Variants in DYNC2H1 observed in about 807,000 individuals in gnomAD.
The protein encoded by DYNC2H1 is cytoplasmic dynein 2 heavy chain 1.
In DYNC2H1, 410 loss-of-function variants were observed where a neutral mutation model predicts 570.0. That is an observed-to-expected ratio of 0.72 (90% CI 0.66 to 0.78). The LOEUF (loss-of-function observed/expected upper bound fraction) is 0.78, where lower values mean the gene tolerates loss of function less well. Ranked by LOEUF, DYNC2H1 falls within the 30% of genes least tolerant of loss-of-function variation. DYNC2H1 has a pLI of 0.00. For missense variants in DYNC2H1, 4,865 were observed against 5,046.4 expected (o/e 0.96, Z 1.09); for synonymous variants, 1,688 against 1,677.6 (o/e 1.01, Z -0.15).
chr11:103,193,121 CAG>C (rs1267347737), intron 47 of DYNC2H1, among the ~76,000 whole-genome samples: 2 of 152,158 alleles, frequency 1.3e-5, no homozygotes, highest in Non-Finnish European at 2.9e-5. Flanking sequence ...TTTAGATTGA[CAG>C]AAAGAATTTT....
chr11:103,131,821 ATGTAT>A (rs1172333257), intron 13 of DYNC2H1, among the ~76,000 whole-genome samples: 3 of 152,062 alleles, frequency 2.0e-5, no homozygotes, highest in African/African-American at 4.8e-5. Flanking sequence ...TTTCTGAATA[ATGTAT>A]TGTATCTCTT....
intron 26 of DYNC2H1, 118 bp from the exon 27 acceptor site, chr11:103,158,559 C>G (rs1203030494): frequency 1.4e-6 from 1 of 719,554 alleles, no homozygotes; most frequent in Non-Finnish European, 2.2e-6. Context: ...AGGTGTAATA[C>G]TGTTATAATA....
At chr11:103,140,925 A>G (rs1048268940) in intron 17 of DYNC2H1, among the ~76,000 whole-genome samples, 11 of 151,122 alleles carry the variant, frequency 7.3e-5, no homozygotes, top group African/African-American at 2.7e-4. Context: ...TTTTTTCTCT[A>G]AACTTCCCTT....
intron 85 of DYNC2H1, among the ~76,000 whole-genome samples, chr11:103,441,515 T>C (rs1390838500): frequency 3.3e-5 from 5 of 152,012 alleles, no homozygotes; most frequent in Non-Finnish European, 7.3e-5. Flanking sequence ...GAGATTTTTG[T>C]CTGTTTACTG....
At chr11:103,358,876 GTAA>G (rs1413221172) in intron 83 of DYNC2H1, among the ~76,000 whole-genome samples, 2 of 152,024 alleles carry the variant, frequency 1.3e-5, no homozygotes, top group African/African-American at 2.4e-5. Flanking sequence ...TTTTTACTTA[GTAA>G]TAATATGAAA....
intron 35 of DYNC2H1, 145 bp from the exon 36 acceptor site, chr11:103,173,910 T>G (rs1335999274): frequency 1.7e-6 from 1 of 602,784 alleles, no homozygotes; most frequent in African/African-American, 1.9e-5. Context: ...GATTATTTTG[T>G]GTGGTTGCTT....
At chr11:103,342,784 G>A (rs1209852691) in intron 82 of DYNC2H1, among the ~76,000 whole-genome samples, 3 of 151,416 alleles carry the variant, frequency 2.0e-5, no homozygotes, top group Non-Finnish European at 4.4e-5. Flanking sequence ...CACCTGGCTG[G>A]GTCTGTGCCA....
intron 84 of DYNC2H1, among the ~76,000 whole-genome samples, chr11:103,428,842 C>G (rs1200188894): frequency 6.6e-6 from 1 of 151,938 alleles, no homozygotes; most frequent in Non-Finnish European, 1.5e-5. Flanking sequence ...GAATAATATT[C>G]CATTGTATGT....
chr11:103,359,758 G>A lies in DYNC2H1; in HGVS notation c.12156+1399G>A, dbSNP rs1325115105. On this transcript the variant is annotated intron_variant, in intron 83 of 88. Coordinates refer to ENST00000375735, the MANE Select transcript of DYNC2H1 (RefSeq NM_001377.3). ...CGGCTCACTGCAGCCTCCGCCTCCC[G>A]GGTTCAAGTGATTCTCCTGCCTCAG... is the stretch of plus-strand genomic sequence containing the variant. 4.7e-5 allele frequency among the ~76,000 whole-genome samples: 7 copies of A among 149,618 alleles called. No individual in the cohort carries two copies. The East Asian group carries it at 1.0e-3, about 21-fold the overall frequency.
In DYNC2H1 at chr11:103,129,846, T is replaced by C. The variant is rs989329291; in HGVS notation, c.1953+841T>C. 3.3e-5 allele frequency among the ~76,000 whole-genome samples: 5 copies of C among 152,202 alleles called. No individual in the cohort carries two copies. The highest frequency in any genetic ancestry group is 7.3e-5 in the Non-Finnish European group (5 of 68,030). On this transcript the variant is annotated intron_variant, in intron 13 of 88. Transcript: ENST00000375735. This position sits in a 1 kb window ranked among gnomAD's most constrained non-coding sequence, Gnocchi z 4.1. ...AGCAGAAGAGGTATATACCATTTTATTTTTTTCTATTTGAAAGTGGATAAC... is the reference window on the plus strand; with the variant it reads ...AGCAGAAGAGGTATATACCATTTTACTTTTTTCTATTTGAAAGTGGATAAC...
intron 82 of DYNC2H1, among the ~76,000 whole-genome samples, chr11:103,327,610 C>G (rs1484937507): frequency 6.6e-6 from 1 of 152,050 alleles, no homozygotes; most frequent in Admixed American, 6.5e-5. Flanking sequence ...GATCAATTAT[C>G]TAATGAAGGT....
chr11:103,237,393 T>C (rs1240303810), intron 63 of DYNC2H1, among the ~76,000 whole-genome samples: 1 of 152,048 alleles, frequency 6.6e-6, no homozygotes, highest in African/African-American at 2.4e-5. Context: ...TAGGTGCTGT[T>C]CATTACTTGA....
At chr11:103,382,843 A>C (rs1051734561) in intron 83 of DYNC2H1, among the ~76,000 whole-genome samples, 3 of 152,250 alleles carry the variant, frequency 2.0e-5, no homozygotes, top group Non-Finnish European at 4.4e-5. Flanking sequence ...TCAGTCAGCA[A>C]AGTAGAACAA....
At chr11:103,117,205 G>GTA (rs892691180) in intron 5 of DYNC2H1, among the ~76,000 whole-genome samples, 725 of 140,672 alleles carry the variant, frequency 5.2e-3, no homozygotes, top group South Asian at 8.4e-3. Flanking sequence ...TGAGGAAATT[G>GTA]TATATATATA....
chr11:103,177,332 G>A lies in DYNC2H1; in HGVS notation c.5875-224G>A, dbSNP rs1392960289. The stretch of plus-strand genomic sequence containing the variant: ...ACAAGTTTTTTGAACTTGGAAACCT[G>A]GAAAGCACCTTTGTTTCTTTTAAAG... On this transcript the variant is annotated intron_variant, in intron 37 of 88. Transcript: ENST00000375735. This position sits in a 1 kb window ranked among gnomAD's most constrained non-coding sequence, Gnocchi z 4.4. 6.6e-6 allele frequency among the ~76,000 whole-genome samples: 1 copy of A among 151,978 alleles called. No individual in the cohort carries two copies. Among genetic ancestry groups the A allele is most frequent in the Non-Finnish European group, 1.5e-5 (1 of 67,988 alleles).
At chr11:103,215,616 T>C in intron 54 of DYNC2H1, 105 bp from the exon 55 acceptor site, 2 of 1,173,072 alleles carry the variant, frequency 1.7e-6, no homozygotes, top group Non-Finnish European at 2.3e-6. Flanking sequence ...GTTTTGTATA[T>C]ACACACTTAA....
chr11:103,436,649 C>T (rs1366913675), intron 85 of DYNC2H1, among the ~76,000 whole-genome samples: 7 of 152,038 alleles, frequency 4.6e-5, no homozygotes, highest in Non-Finnish European at 1.0e-4. Flanking sequence ...CACTCTTCAT[C>T]CATGTTTTTT....
intron 6 of DYNC2H1, 76 bp from the exon 7 acceptor site, chr11:103,120,371 T>A (rs1321012992): frequency 7.7e-7 from 1 of 1,301,362 alleles, no homozygotes; most frequent in Non-Finnish European, 1.0e-6. Flanking sequence ...TCTTGCCCAA[T>A]ATATCTAGAT....
In DYNC2H1 at chr11:103,235,801, G is replaced by T. The variant is rs746936651; in HGVS notation, c.9697G>T (p.Ala3233Ser). The T allele has an allele frequency of 6.2e-7, 1 of 1,611,212 alleles. No individual in the cohort carries two copies. Among genetic ancestry groups the T allele is most frequent in the Non-Finnish European group, 8.5e-7 (1 of 1,178,138 alleles). ...KTCLEEWTKSAGLEKFDLRRF... is the reference protein window; with the variant it reads ...KTCLEEWTKSSGLEKFDLRRF... Reference sequence around the variant, plus strand: ...CTGTTTGGAAGAATGGACCAAGTCAGCTGGTCTTGAGAGTTTGTATTTAGT... The same window carrying T: ...CTGTTTGGAAGAATGGACCAAGTCATCTGGTCTTGAGAGTTTGTATTTAGT... The change falls in exon 62 of 89, where the codon GCT becomes TCT. Residue 3233 changes from alanine to serine, a missense_variant. By Grantham distance (99) the Ala-to-Ser change is moderately conservative (BLOSUM62 1). This residue lies in a region of DYNC2H1 where 2,401 missense variants were observed against 2,454.6 expected (regional missense o/e 0.98). Coordinates refer to ENST00000375735, the MANE Select transcript of DYNC2H1 (RefSeq NM_001377.3).
Sources: allele counts gnomAD v4.1 joint callset (sites outside exome capture counted in the v4.1 genomes callset), GRCh38; gene constraint gnomAD v4.1.1; regional missense constraint gnomAD v4.1.1; non-coding constraint Gnocchi (gnomAD v3.1); transcripts MANE v1.5; gene names NCBI Gene and HGNC (gene_info 2026-07-23, HGNC 2026-07-21).